The following SCRG1 variants were observed in gnomAD, a reference collection of about 807,000 sequenced individuals.
SCRG1 encodes scrapie-responsive protein 1.
In SCRG1, 3 loss-of-function variants were observed where a neutral mutation model predicts 7.7. The observed-to-expected ratio is 0.39, with a 90% CI of 0.18 to 1.01. The LOEUF (loss-of-function observed/expected upper bound fraction) is 1.01, where lower values mean the gene tolerates loss of function less well. Among genes scored for constraint, SCRG1 ranks in the 50% least tolerant of loss-of-function variants. SCRG1 has a pLI of 0.36. For missense variants in SCRG1, 110 were observed against 117.2 expected, an observed-to-expected ratio of 0.94 and a Z score of 0.28; for synonymous variants, 46 against 41.2, an observed-to-expected ratio of 1.12 and a Z score of -0.44.
the SCRG1 span, among the ~76,000 whole-genome samples, chr4:173,463,968 A>G: frequency 6.6e-6 from 1 of 152,182 alleles, no homozygotes; most frequent in Non-Finnish European, 1.5e-5. Context: ...GGAGAATGCC[A>G]ATTCAAGCAG....
the SCRG1 span, among the ~76,000 whole-genome samples, chr4:173,450,071 C>T: frequency 6.6e-6 from 1 of 152,122 alleles, no homozygotes; most frequent in Non-Finnish European, 1.5e-5. Context: ...TTAATTGACT[C>T]ACAGTTCTGC....
chr4:173,467,568 C>T, the SCRG1 span, among the ~76,000 whole-genome samples: 1 of 152,154 alleles, frequency 6.6e-6, no homozygotes, highest in Non-Finnish European at 1.5e-5. Context: ...TTGCCAACAA[C>T]TTAGAAAAAA....
chr4:173,460,211 T>A, the SCRG1 span, among the ~76,000 whole-genome samples: 1 of 152,160 alleles, frequency 6.6e-6, no homozygotes, highest in East Asian at 1.9e-4. Flanking sequence ...CAGTCCTGAA[T>A]CGCCACTGAA....
At chr4:173,404,542 T>C (rs1389067069) in intron 1 of SCRG1, 3 of 152,216 alleles carry the variant, frequency 2.0e-5, no homozygotes, top group African/African-American at 7.2e-5. Flanking sequence ...ATTTGTTAAA[T>C]GAATGAATGA....
At chr4:173,472,311 G>A in the SCRG1 span, among the ~76,000 whole-genome samples, 9 of 152,034 alleles carry the variant, frequency 5.9e-5, no homozygotes, top group Admixed American at 2.6e-4. Context: ...TTATTTTTAC[G>A]TGAAGCTGTG....
At chr4:173,476,509 C>T in the SCRG1 span, among the ~76,000 whole-genome samples, 1 of 151,802 alleles carries the variant, frequency 6.6e-6, no homozygotes, top group Non-Finnish European at 1.5e-5. Flanking sequence ...CACACGAGCC[C>T]ACCCAATGCC....
the SCRG1 span, among the ~76,000 whole-genome samples, chr4:173,440,152 C>T: frequency 0.031 from 4,644 of 152,246 alleles, 274 homozygotes; most frequent in African/African-American, 0.11. Flanking sequence ...GTTTTTCACA[C>T]ACAACTGCTT....
the SCRG1 span, among the ~76,000 whole-genome samples, chr4:173,476,084 TTTATA>T: frequency 6.6e-6 from 1 of 151,668 alleles, no homozygotes; most frequent in African/African-American, 2.4e-5. Flanking sequence ...AATGGTAAAT[TTTATA>T]TTATATATAT....
chr4:173,488,583 A>G, the SCRG1 span, among the ~76,000 whole-genome samples: 1 of 152,222 alleles, frequency 6.6e-6, no homozygotes, highest in Admixed American at 6.5e-5. Flanking sequence ...TATGGTCTGC[A>G]GAATCCACAA....
At chr4:173,450,793 C>T in the SCRG1 span, among the ~76,000 whole-genome samples, 1 of 152,264 alleles carries the variant, frequency 6.6e-6, no homozygotes, top group Admixed American at 6.5e-5. Flanking sequence ...CCACGCATAA[C>T]AAAGCTGTGA....
the SCRG1 span, among the ~76,000 whole-genome samples, chr4:173,453,464 AC>A: frequency 6.6e-6 from 1 of 152,206 alleles, no homozygotes; most frequent in East Asian, 1.9e-4. Context: ...ATGTACTTAC[AC>A]AAACCTAGAC....
At chr4:173,400,598 AT>A (rs1243473492), upstream of SCRG1, among the ~76,000 whole-genome samples, 1 of 152,242 alleles carries the variant, frequency 6.6e-6, no homozygotes, top group African/African-American at 2.4e-5. Context: ...ATTCAACTAA[AT>A]GATAGCCGAA....
At chr4:173,494,651 G>A in the SCRG1 span, among the ~76,000 whole-genome samples, 45 of 152,340 alleles carry the variant, frequency 3.0e-4, no homozygotes, top group East Asian at 7.7e-4. Context: ...GGCACCAGGA[G>A]GGCGAGAAGA....
chr4:173,506,939 G>A, the SCRG1 span, among the ~76,000 whole-genome samples: 2 of 152,144 alleles, frequency 1.3e-5, no homozygotes, highest in Non-Finnish European at 2.9e-5. The surrounding 1 kb of genome is among the most constrained non-coding windows in gnomAD (Gnocchi z 5.3). Flanking sequence ...TCCTCCGCTC[G>A]CCGTCATCAA....
chr4:173,396,811 C>A (rs1286164850), intron 1 of SCRG1, among the ~76,000 whole-genome samples: 1 of 151,090 alleles, frequency 6.6e-6, no homozygotes, highest in East Asian at 2.0e-4. Context: ...TCCCAGCACT[C>A]TGGGAGGCCG....
chr4:173,416,832 A>T, the SCRG1 span, among the ~76,000 whole-genome samples: 3,204 of 151,754 alleles, frequency 0.021, 97 homozygotes, highest in African/African-American at 0.069. Context: ...GTTCTGCTTT[A>T]TAAGAATATA....
the SCRG1 span, chr4:173,419,675 A>G: frequency 6.3e-6 from 5 of 791,072 alleles, no homozygotes; most frequent in Non-Finnish European, 1.1e-5. Context: ...ACCTCCATCC[A>G]CAGCTCCCTT....
the SCRG1 span, among the ~76,000 whole-genome samples, chr4:173,435,878 A>G: frequency 6.6e-6 from 1 of 152,186 alleles, no homozygotes; most frequent in Non-Finnish European, 1.5e-5. Context: ...CAAATAACTC[A>G]GGATCAAGAA....
the SCRG1 span, among the ~76,000 whole-genome samples, chr4:173,514,581 G>T: frequency 6.6e-6 from 1 of 152,170 alleles, no homozygotes; most frequent in Non-Finnish European, 1.5e-5. Flanking sequence ...CTCTTTTCAT[G>T]TTGTAAACTC....
Sources: allele counts gnomAD v4.1 joint callset (sites outside exome capture counted in the v4.1 genomes callset), GRCh38; gene constraint gnomAD v4.1.1; non-coding constraint Gnocchi (gnomAD v3.1); transcripts MANE v1.5; gene names NCBI Gene and HGNC (gene_info 2026-07-23, HGNC 2026-07-21).